Variants in SSU72 observed in about 807,000 individuals in gnomAD.
SSU72 encodes the protein SSU72 homolog, RNA polymerase II CTD phosphatase.
Under a neutral mutation model 22.7 loss-of-function variants are expected in SSU72, and 12 were observed. The ratio of observed to expected loss-of-function variants is 0.53; its 90% CI spans 0.34 to 0.86. The LOEUF (loss-of-function observed/expected upper bound fraction) is 0.86, where lower values mean the gene tolerates loss of function less well. SSU72 is among the 40% of genes least tolerant of loss of function. The pLI is 0.02. For synonymous variants in SSU72, 116 were observed against 98.3 expected (o/e 1.18, Z -1.06); for missense variants, 151 against 249.8 (o/e 0.60, Z 2.67).
chr1:1,550,496 C>T (rs1383520408), intron 2 of SSU72, among the ~76,000 whole-genome samples: 1 of 152,232 alleles, frequency 6.6e-6, no homozygotes, highest in African/African-American at 2.4e-5. Flanking sequence ...CAGACACCAG[C>T]GGACACCACA....
intron 2 of SSU72, among the ~76,000 whole-genome samples, chr1:1,553,969 G>A (rs1455768376): frequency 1.3e-5 from 2 of 152,126 alleles, no homozygotes; most frequent in African/African-American, 4.8e-5. Context: ...TCTCAAGCAG[G>A]GATCCTCCTG....
intron 1 of SSU72, 114 bp from the exon 2 acceptor site, chr1:1,565,030 G>A: frequency 7.3e-7 from 1 of 1,378,278 alleles, no homozygotes. Context: ...GCTCATAGTA[G>A]AGAATATGTC....
chr1:1,551,682 C>A (rs982969588), intron 2 of SSU72, among the ~76,000 whole-genome samples: 1 of 152,224 alleles, frequency 6.6e-6, no homozygotes, highest in South Asian at 2.1e-4. Flanking sequence ...GATTCGCGGA[C>A]GCCAACGGCC....
chr1:1,566,809 G>A (rs1642667602), intron 1 of SSU72, among the ~76,000 whole-genome samples: 1 of 151,332 alleles, frequency 6.6e-6, no homozygotes, highest in Non-Finnish European at 1.5e-5. Flanking sequence ...AGCTGAGATC[G>A]CGCCACTGCA....
At chr1:1,572,881 G>GGC (rs1553133018) in intron 1 of SSU72, among the ~76,000 whole-genome samples, 7 of 144,144 alleles carry the variant, frequency 4.9e-5, no homozygotes, top group Non-Finnish European at 1.1e-4. Flanking sequence ...TTGTCTTGGG[G>GGC]GGGGGGGGGT....
chr1:1,568,164 G>A (rs1035973810), intron 1 of SSU72, among the ~76,000 whole-genome samples: 2 of 152,206 alleles, frequency 1.3e-5, no homozygotes, highest in Non-Finnish European at 2.9e-5. Context: ...GCCAGCTTGC[G>A]ACTCAACAGC....
chr1:1,569,204 A>C (rs1642699558), intron 1 of SSU72, among the ~76,000 whole-genome samples: 2 of 152,088 alleles, frequency 1.3e-5, no homozygotes, highest in Admixed American at 1.3e-4. Context: ...AAAACAAAAA[A>C]ACAAAAACAA....
chr1:1,568,614 T>C (rs1642690778), intron 1 of SSU72, among the ~76,000 whole-genome samples: 1 of 150,824 alleles, frequency 6.6e-6, no homozygotes, highest in African/African-American at 2.4e-5. Context: ...TCAAAAAAAC[T>C]CCAAAAAACT....
chr1:1,573,378 C>T (rs1247610326), intron 1 of SSU72, among the ~76,000 whole-genome samples: 2 of 145,708 alleles, frequency 1.4e-5, no homozygotes, highest in Admixed American at 7.2e-5. Context: ...TGCAGTGAGC[C>T]GAGATCGCGC....
At chr1:1,556,698 C>A (rs1156826724) in intron 2 of SSU72, among the ~76,000 whole-genome samples, 1 of 152,208 alleles carries the variant, frequency 6.6e-6, no homozygotes, top group Non-Finnish European at 1.5e-5. Flanking sequence ...CAGAGCCACA[C>A]AAGGCTCAGG....
intron 2 of SSU72, among the ~76,000 whole-genome samples, chr1:1,560,023 C>A (rs1391984541): frequency 6.6e-6 from 1 of 152,148 alleles, no homozygotes; most frequent in African/African-American, 2.4e-5. Flanking sequence ...CCATGCCTAG[C>A]GTTTTGTACT....
chr1:1,548,167 C>A (rs978596148), intron 2 of SSU72, among the ~76,000 whole-genome samples: 4 of 152,174 alleles, frequency 2.6e-5, no homozygotes, highest in Non-Finnish European at 1.5e-5. Context: ...ACAGTCCCTG[C>A]GGCCTCAGGG....
At chr1:1,549,929 C>G (rs182101681) in intron 2 of SSU72, among the ~76,000 whole-genome samples, 4 of 149,848 alleles carry the variant, frequency 2.7e-5, no homozygotes, top group Non-Finnish European at 5.9e-5. Context: ...GCCGAGATTG[C>G]GCCTCTATAC....
intron 3 of SSU72, 111 bp from the exon 4 acceptor site, chr1:1,544,098 G>A: frequency 1.3e-6 from 1 of 797,654 alleles, no homozygotes; most frequent in Non-Finnish European, 2.1e-6. Flanking sequence ...CAGCCCCAGT[G>A]GTTTCTGGAC....
intron 1 of SSU72, among the ~76,000 whole-genome samples, chr1:1,569,388 C>G (rs1280605338): frequency 6.6e-6 from 1 of 152,114 alleles, no homozygotes; most frequent in African/African-American, 2.4e-5. Context: ...GTCTCTAACA[C>G]CAAAGATGAT....
chr1:1,557,478 C>A (rs1642535516), intron 2 of SSU72, among the ~76,000 whole-genome samples: 1 of 142,390 alleles, frequency 7.0e-6, no homozygotes, highest in South Asian at 2.4e-4. Context: ...GGGAACTATA[C>A]TATTCATCTG....
intron 2 of SSU72, among the ~76,000 whole-genome samples, chr1:1,553,821 G>A (rs1642484220): frequency 6.6e-6 from 1 of 150,468 alleles, no homozygotes; most frequent in East Asian, 1.9e-4. Flanking sequence ...CACCCAGGCT[G>A]ACAGACGAAC....
Position 1,542,183 on chromosome 1 carries a change from C to T in SSU72, c.484-16G>A, listed in dbSNP as rs371819961. 6.9e-5 allele frequency: 109 copies of T among 1,568,440 alleles called. No homozygotes were observed. Among genetic ancestry groups the T allele is most frequent in the South Asian group, 1.3e-4 (11 of 85,436 alleles). The stretch of plus-strand genomic sequence containing the variant: ...TGTGCTGGATCTGCAAGGACAGGAC[C>T]GTGGTGAGGGCCTTGCCCACTCCTG... On this transcript the variant is annotated splice_polypyrimidine_tract_variant and intron_variant, in intron 4 of 4. Coordinates refer to ENST00000291386, the MANE Select transcript of SSU72 (RefSeq NM_014188.3). The surrounding 1 kb of genome is among the most constrained non-coding windows in gnomAD (Gnocchi z 4.4).
intron 4 of SSU72, among the ~76,000 whole-genome samples, chr1:1,543,529 GCCC>G (rs1642350737): frequency 6.6e-6 from 1 of 152,164 alleles, no homozygotes; most frequent in Non-Finnish European, 1.5e-5. Context: ...ACCAGCAGGC[GCCC>G]CCGACACAGG....
Sources: allele counts gnomAD v4.1 joint callset (sites outside exome capture counted in the v4.1 genomes callset), GRCh38; gene constraint gnomAD v4.1.1; non-coding constraint Gnocchi (gnomAD v3.1); transcripts MANE v1.5; gene names NCBI Gene and HGNC (gene_info 2026-07-23, HGNC 2026-07-21).